Variants in GCM1 observed in about 807,000 individuals in gnomAD.
GCM1 encodes chorion-specific transcription factor GCMa.
Under a neutral mutation model 25.7 loss-of-function variants are expected in GCM1, and 2 were observed. The observed-to-expected ratio is 0.08, with a 90% CI of 0.03 to 0.24. The LOEUF is 0.24. Ranked by LOEUF, GCM1 falls within the 10% of genes least tolerant of loss-of-function variation. The pLI is 1.00. For synonymous variants in GCM1, 183 were observed against 195.7 expected, an observed-to-expected ratio of 0.94 and a Z score of 0.54; for missense variants, 395 against 538.7, an observed-to-expected ratio of 0.73 and a Z score of 2.64.
At position 53,146,194 on chromosome 6, in the gene GCM1, T is replaced by TTATATATATATA. The variant is rs201484737; in HGVS notation, c.-136-438_-136-427dup. On this transcript the variant is annotated intron_variant, in intron 1 of 5. Coordinates refer to ENST00000259803, the MANE Select transcript of GCM1 (RefSeq NM_003643.4). ...TTATCTAGGAAAATACATATATGTT[T>TTATATATATATA]TATATATATATATATATATATATTT... Among the ~76,000 whole-genome samples the TTATATATATATA allele has an allele frequency of 1.2e-4, 12 of 100,944 alleles. No homozygotes were observed. In the East Asian group the frequency reaches 1.2e-3, roughly 10 times the overall value. The allele number at this position is 100,944 out of a possible 152,430, so 66.2% of individuals were successfully genotyped here. A position where few individuals can be genotyped will look rare whatever the true frequency, so the allele number is the denominator to read the frequency against.
rs755215513 is a variant in GCM1 at position 53,128,547 on chromosome 6, G to A, written c.970C>T (p.Pro324Ser). ...SNYPFPLTSW[P>S]CSFSPSQNSS... ...TTTTGGGAAGGAGAGAAGCTGCAAG[G>A]CCAGCTGGTCAGAGGAAAAGGATAA... is the stretch of plus-strand genomic sequence containing the variant. Residue 324 changes from proline (P) to serine (S), a missense_variant, in exon 6 of 6, where the codon CCT becomes TCT. Coordinates refer to ENST00000259803, the MANE Select transcript of GCM1 (RefSeq NM_003643.4). 1.9e-6 allele frequency: 3 copies of A among 1,613,848 alleles called. No homozygotes were observed. Among genetic ancestry groups the A allele is most frequent in the Non-Finnish European group, 1.7e-6 (2 of 1,179,780 alleles).
At chr6:53,137,970 G>C (rs1763822565) in intron 2 of GCM1, among the ~76,000 whole-genome samples, 1 of 151,876 alleles carries the variant, frequency 6.6e-6, no homozygotes, top group African/African-American at 2.4e-5. Flanking sequence ...TGGTACCTTA[G>C]TTTTCCAGTT....
intron 2 of GCM1, among the ~76,000 whole-genome samples, chr6:53,142,526 A>G (rs1354267570): frequency 6.6e-6 from 1 of 152,120 alleles, no homozygotes; most frequent in African/African-American, 2.4e-5. Context: ...TGTAACTTGT[A>G]CTCTACAGAA....
intron 2 of GCM1, among the ~76,000 whole-genome samples, chr6:53,142,120 G>A (rs186428615): frequency 7.0e-6 from 1 of 141,878 alleles, no homozygotes; most frequent in Non-Finnish European, 1.5e-5. Flanking sequence ...AGGATAAACA[G>A]AAAAGGAATT....
At chr6:53,140,271 C>G (rs961061012) in intron 2 of GCM1, among the ~76,000 whole-genome samples, 4 of 152,092 alleles carry the variant, frequency 2.6e-5, no homozygotes, top group African/African-American at 7.2e-5. Context: ...ACAAGAAATC[C>G]ACAATCTGGT....
chr6:53,141,512 C>G (rs980992564), intron 2 of GCM1, among the ~76,000 whole-genome samples: 2 of 151,626 alleles, frequency 1.3e-5, no homozygotes, highest in Non-Finnish European at 2.9e-5. Flanking sequence ...ACGGTGAAAC[C>G]CTGTCTCTAC....
chr6:53,129,068 A>T (rs1763689400), intron 5 of GCM1, 122 bp from the exon 6 acceptor site: 8 of 744,192 alleles, frequency 1.1e-5, no homozygotes, highest in Non-Finnish European at 1.8e-5. Flanking sequence ...TTCCTTACAC[A>T]TTAATACTTG....
intron 4 of GCM1, 71 bp from the exon 5 acceptor site, chr6:53,131,002 T>C: frequency 7.1e-7 from 1 of 1,416,754 alleles, no homozygotes; most frequent in Non-Finnish European, 9.9e-7. Flanking sequence ...GGTGTATCAG[T>C]TTTTATTTAC....
At chr6:53,146,217 T>TATATATATATA (rs546236039) in intron 1 of GCM1, among the ~76,000 whole-genome samples, 1 of 30,874 alleles carries the variant, frequency 3.2e-5, no homozygotes, top group Non-Finnish European at 6.2e-5. Context: ...TATATATATA[T>TATATATATATA]TTTTTTTTTT....
At position 53,141,846 on chromosome 6, in the gene GCM1, A is replaced by T. The variant is rs368391818; in HGVS notation, c.75+3712T>A. On this transcript the variant is annotated intron_variant, in intron 2 of 5. Transcript: ENST00000259803. ...TGGCAAAACCCCATCTCTACTAAAAAGACAAATAATTAGTTGGGTGTGGGG... is the reference window on the plus strand; with the variant it reads ...TGGCAAAACCCCATCTCTACTAAAATGACAAATAATTAGTTGGGTGTGGGG... Among the ~76,000 whole-genome samples, 7 of 151,770 alleles carry T rather than the reference A, an allele frequency of 4.6e-5. No homozygotes were observed. The East Asian group carries it at 9.7e-4, about 21-fold the overall frequency.
intron 2 of GCM1, among the ~76,000 whole-genome samples, chr6:53,136,967 ACT>A (rs987882455): frequency 8.0e-5 from 12 of 150,194 alleles, no homozygotes; most frequent in African/African-American, 2.5e-4. Flanking sequence ...CAAGAGTGAA[ACT>A]CTGTTTCAAT....
intron 5 of GCM1, among the ~76,000 whole-genome samples, chr6:53,130,501 T>A (rs965216706): frequency 6.6e-5 from 10 of 152,190 alleles, no homozygotes; most frequent in African/African-American, 1.9e-4. Context: ...ATTGTTTCAA[T>A]TGTTTTTGGT....
rs557889502 is a variant in GCM1, at chr6:53,132,453, A to T, written c.329-334T>A. On this transcript the variant is annotated intron_variant, in intron 3 of 5. Transcript: ENST00000259803. ...TGACCAGGCACAGTGGCTCACACCCATAATCCCAGCACTTTGGGAGGCCAA... is the reference window on the plus strand; with the variant it reads ...TGACCAGGCACAGTGGCTCACACCCTTAATCCCAGCACTTTGGGAGGCCAA... Among the ~76,000 whole-genome samples, 7 of 152,348 alleles carry T rather than the reference A, an allele frequency of 4.6e-5. No individual in the cohort carries two copies. In the South Asian group the frequency reaches 8.3e-4, roughly 18 times the overall value.
intron 1 of GCM1, among the ~76,000 whole-genome samples, chr6:53,146,595 G>A (rs1162759336): frequency 1.3e-5 from 2 of 152,308 alleles, no homozygotes; most frequent in East Asian, 1.9e-4. Context: ...CTGTGCGCAC[G>A]ATATATCTTC....
At chr6:53,145,884 G>T in intron 1 of GCM1, 116 bp from the exon 2 acceptor site, 1 of 408,578 alleles carries the variant, frequency 2.4e-6, no homozygotes, top group Non-Finnish European at 4.3e-6. Context: ...CAACATACTA[G>T]TAAAAAACAA....
chr6:53,142,259 A>C (rs1487716289), intron 2 of GCM1, among the ~76,000 whole-genome samples: 1 of 152,134 alleles, frequency 6.6e-6, no homozygotes, highest in Admixed American at 6.5e-5. Flanking sequence ...AAGCCATTGC[A>C]TTTGATCCTT....
intron 2 of GCM1, among the ~76,000 whole-genome samples, chr6:53,144,959 G>GAAAA (rs1763932826): frequency 4.6e-5 from 4 of 86,604 alleles, no homozygotes; most frequent in South Asian, 3.6e-4. Context: ...GAAAAGAAAA[G>GAAAA]AAAGAAAGAA....
chr6:53,143,383 C>A (rs561101272), intron 2 of GCM1, among the ~76,000 whole-genome samples: 23 of 152,238 alleles, frequency 1.5e-4, no homozygotes, highest in African/African-American at 5.3e-4. Flanking sequence ...GTTTATGGAT[C>A]TGATGAAGAA....
chr6:53,135,618 A>G (rs1763786665), intron 2 of GCM1, among the ~76,000 whole-genome samples: 1 of 152,196 alleles, frequency 6.6e-6, no homozygotes, highest in African/African-American at 2.4e-5. Flanking sequence ...AAGCAGTGTC[A>G]GCACTCAAAC....
Sources: allele counts gnomAD v4.1 joint callset (sites outside exome capture counted in the v4.1 genomes callset), GRCh38; gene constraint gnomAD v4.1.1; transcripts MANE v1.5; gene names NCBI Gene and HGNC (gene_info 2026-07-23, HGNC 2026-07-21).